The following CHD1 variants were observed in gnomAD, a reference collection of about 807,000 sequenced individuals.
The protein encoded by CHD1 is ATP-dependent chromatin remodeler CHD1.
In CHD1, 36 loss-of-function variants were observed where a neutral mutation model predicts 224.2. The ratio of observed to expected loss-of-function variants is 0.16; its 90% CI spans 0.12 to 0.21. CHD1 has a LOEUF of 0.21. Ranked by LOEUF, CHD1 falls within the 10% of genes least tolerant of loss-of-function variation. CHD1 has a pLI of 1.00. For missense variants in CHD1, 1,378 were observed against 1,994.8 expected, an observed-to-expected ratio of 0.69 and a Z score of 5.89; for synonymous variants, 668 against 658.3, an observed-to-expected ratio of 1.01 and a Z score of -0.23.
intron 2 of CHD1, among the ~76,000 whole-genome samples, chr5:98,916,545 C>CAAA (rs33988135): frequency 7.4e-4 from 30 of 40,286 alleles, no homozygotes; most frequent in South Asian, 1.4e-3. Context: ...AACTCCGTCT[C>CAAA]AAAAAAAAAA....
intron 15 of CHD1, 29 bp from the exon 16 acceptor site, chr5:98,889,267 T>G: frequency 6.7e-7 from 1 of 1,487,640 alleles, no homozygotes; most frequent in South Asian, 1.3e-5. Context: ...GAAAACGATG[T>G]TTAGCAGAAC....
chr5:98,856,453 G>A lies in CHD1; in HGVS notation c.5060C>T (p.Ser1687Phe), dbSNP rs1329030670. ...SPLDQRSPYG[S>F]RSPFEHSVEH... ...AACTGAATGTTCAAATGGAGATCTG[G>A]AGCCATAAGGAGATCTCTGATCTAG... is the stretch of plus-strand genomic sequence containing the variant. The change falls in exon 36 of 36, where the codon TCC (serine) becomes TTC (phenylalanine). Residue 1687 changes from serine to phenylalanine, a missense_variant. Ser to Phe is a radical substitution (Grantham distance 155). Coordinates refer to ENST00000614616, the MANE Select transcript of CHD1 (RefSeq NM_001270.4). The A allele has an allele frequency of 6.2e-7, 1 of 1,601,042 alleles. No individual in the cohort carries two copies. Among genetic ancestry groups the A allele is most frequent in the Non-Finnish European group, 8.5e-7 (1 of 1,174,690 alleles).
At chr5:98,861,636 G>A (rs1006878381) in intron 32 of CHD1, among the ~76,000 whole-genome samples, 1 of 150,402 alleles carries the variant, frequency 6.6e-6, no homozygotes, top group Admixed American at 6.6e-5. Flanking sequence ...TGAGTAGCTG[G>A]TTCTACAGGC....
intron 2 of CHD1, among the ~76,000 whole-genome samples, chr5:98,917,708 G>C (rs890761414): frequency 3.6e-4 from 55 of 152,184 alleles, no homozygotes; most frequent in African/African-American, 1.2e-3. Context: ...AGTACTGTTT[G>C]AATAGAACTT....
Position 98,903,897 on chromosome 5 carries a change from A to T in CHD1, c.267T>A (p.Ser89=). 1.3e-6 allele frequency: 2 copies of T among 1,594,074 alleles called. No individual in the cohort carries two copies. The highest frequency in any genetic ancestry group is 1.7e-6 in the Non-Finnish European group (2 of 1,167,124). ...TCTGAACGGCCAGAATACTAGGACTAGATTTCCAAAACTATAATAGAAATA... is the reference window on the plus strand; with the variant it reads ...TCTGAACGGCCAGAATACTAGGACTTGATTTCCAAAACTATAATAGAAATA... ...PKVDGAEFWK[S]SPSILAVQRS... is the part of the protein sequence containing the mutation. The change falls in exon 4 of 36, where the codon TCT becomes TCA. Residue 89 remains serine (S), a synonymous_variant. Coordinates refer to ENST00000614616, the MANE Select transcript of CHD1 (RefSeq NM_001270.4).
chr5:98,915,007 G>C (rs1752647714), intron 2 of CHD1, among the ~76,000 whole-genome samples: 1 of 152,188 alleles, frequency 6.6e-6, no homozygotes, highest in Non-Finnish European at 1.5e-5. Flanking sequence ...GGTAATGACT[G>C]AATGCTAAAC....
chr5:98,876,976 T>A (rs554729944), intron 23 of CHD1, among the ~76,000 whole-genome samples: 64 of 152,290 alleles, frequency 4.2e-4, no homozygotes, highest in African/African-American at 1.5e-3. Flanking sequence ...CAAGACCAGC[T>A]TAGGCAACAT....
At chr5:98,871,208 G>A (rs1749306170) in intron 28 of CHD1, among the ~76,000 whole-genome samples, 1 of 151,438 alleles carries the variant, frequency 6.6e-6, no homozygotes, top group Non-Finnish European at 1.5e-5. Flanking sequence ...CATCCTTCTA[G>A]AAGAAGACCT....
At chr5:98,904,085 T>C (rs561735365) in intron 3 of CHD1, among the ~76,000 whole-genome samples, 177 bp from the exon 4 acceptor site, 67 of 152,284 alleles carry the variant, frequency 4.4e-4, no homozygotes, top group African/African-American at 1.5e-3. Context: ...TGCTGAGCTC[T>C]AGTTATGTAT....
chr5:98,867,699 C>T (rs748337545), intron 31 of CHD1, among the ~76,000 whole-genome samples: 1 of 151,886 alleles, frequency 6.6e-6, no homozygotes, highest in Non-Finnish European at 1.5e-5. Flanking sequence ...AAAGTCTTTC[C>T]GAGTTGCTTC....
chr5:98,885,937 C>T (rs1750620941), intron 17 of CHD1: 1 of 299,738 alleles, frequency 3.3e-6, no homozygotes, highest in South Asian at 9.1e-5. Context: ...TTTGCAAACA[C>T]CTGAAACAGT....
In CHD1 at chr5:98,858,342, T is replaced by C; in HGVS notation, c.4625A>G (p.Asp1542Gly). 7 of 1,613,140 alleles carry C rather than the reference T, an allele frequency of 4.3e-6. No individual in the cohort carries two copies. The highest frequency in any genetic ancestry group is 5.9e-6 in the Non-Finnish European group (7 of 1,179,206). ...ENTNHDDSSR[D>G]SYSSDRHLTQ... is the part of the protein sequence containing the mutation. ...TAAGTGTCTATCAGAGGAATAACTG[T>C]CCCTGCTGCTATCATCGTGATTTGT... is the stretch of plus-strand genomic sequence containing the variant. The change falls in exon 35 of 36, where the codon GAC becomes GGC. Residue 1542 changes from aspartate to glycine, a missense_variant. Transcript: ENST00000614616.
Position 98,873,573 on chromosome 5 carries a change from C to A in CHD1, c.3571+20G>T. ...GCTTTCATTTACTTCTCTTTTAAAT[C>A]ACTCTCAGTTTAATGTTACCTGTTC... On this transcript the variant is annotated intron_variant, in intron 26 of 35. Transcript: ENST00000614616. 6.5e-7 allele frequency: 1 copy of A among 1,534,706 alleles called. No homozygotes were observed. Among genetic ancestry groups the A allele is most frequent in the Non-Finnish European group, 8.8e-7 (1 of 1,142,576 alleles).
chr5:98,860,129 C>A, intron 32 of CHD1, 61 bp from the exon 33 acceptor site: 2 of 872,882 alleles, frequency 2.3e-6, no homozygotes, highest in South Asian at 2.8e-5. Flanking sequence ...TAGTTTTTTT[C>A]ATGGAACTCC....
intron 2 of CHD1, among the ~76,000 whole-genome samples, chr5:98,914,863 T>C (rs1295774258): frequency 6.9e-6 from 1 of 145,826 alleles, no homozygotes; most frequent in East Asian, 1.9e-4. Flanking sequence ...TCCTTCACAG[T>C]ATTACAATTA....
Position 98,902,858 on chromosome 5 carries a change from A to G in CHD1, c.437+42T>C, listed in dbSNP as rs753050785. ...AAGAAAGAAATATGAAATAATCAGG[A>G]TTTTTCTAAAATGAAGTAGTCAGTT... On this transcript the variant is annotated intron_variant, in intron 5 of 35. Coordinates refer to ENST00000614616, the MANE Select transcript of CHD1 (RefSeq NM_001270.4). 4.8e-6 allele frequency: 6 copies of G among 1,253,536 alleles called. No individual in the cohort carries two copies. In the African/African-American group the frequency reaches 7.5e-5, roughly 16 times the overall value. The allele number at this position is 1,253,536 out of a possible 1,614,324, so 77.7% of individuals were successfully genotyped here. A position where few individuals can be genotyped will look rare whatever the true frequency, so the allele number is the denominator to read the frequency against.
At chr5:98,912,349 C>T (rs111914759) in intron 2 of CHD1, among the ~76,000 whole-genome samples, 245 of 151,986 alleles carry the variant, frequency 1.6e-3, no homozygotes, top group African/African-American at 5.4e-3. Flanking sequence ...TAAAAAAATC[C>T]GAAAAGATAA....
At chr5:98,877,902 A>T (rs1749881823) in intron 23 of CHD1, among the ~76,000 whole-genome samples, 1 of 152,176 alleles carries the variant, frequency 6.6e-6, no homozygotes, top group Non-Finnish European at 1.5e-5. Flanking sequence ...TGATGTACAA[A>T]ATCATAATTT....
Position 98,913,299 on chromosome 5 carries a change from C to A in CHD1, c.54-8201G>T, listed in dbSNP as rs544626625. Among the ~76,000 whole-genome samples, 11 of 152,152 alleles carry A rather than the reference C, an allele frequency of 7.2e-5. No homozygotes were observed. The South Asian group carries it at 2.1e-3, about 29-fold the overall frequency. On this transcript the variant is annotated intron_variant, in intron 2 of 35. Coordinates refer to ENST00000614616, the MANE Select transcript of CHD1 (RefSeq NM_001270.4). ...CAGCCTGGACAACATAATGAGATCC[C>A]ATCTCTACAAAAAAAATATATAAAC...
Sources: allele counts gnomAD v4.1 joint callset (sites outside exome capture counted in the v4.1 genomes callset), GRCh38; gene constraint gnomAD v4.1.1; transcripts MANE v1.5; gene names NCBI Gene and HGNC (gene_info 2026-07-23, HGNC 2026-07-21).